The following ZCWPW2 variants were observed in gnomAD, a reference collection of about 807,000 sequenced individuals.
The protein encoded by ZCWPW2 is zinc finger CW-type and PWWP domain containing 2.
In ZCWPW2, 45 loss-of-function variants were observed where a neutral mutation model predicts 46.6. The ratio of observed to expected loss-of-function variants is 0.96; its 90% confidence interval spans 0.76 to 1.24. ZCWPW2 has a LOEUF of 1.24. ZCWPW2 is among the 50% of genes most tolerant of loss of function. The pLI, the probability that ZCWPW2 is intolerant of heterozygous loss-of-function variation, is 0.00. For synonymous variants in ZCWPW2, 152 were observed against 137.1 expected, an observed-to-expected ratio of 1.11 and a Z score of -0.76; for missense variants, 429 against 403.9, an observed-to-expected ratio of 1.06 and a Z score of -0.53.
intron 2 of ZCWPW2, among the ~76,000 whole-genome samples, chr3:28,396,103 GA>G (rs1695686508): frequency 6.6e-6 from 1 of 152,020 alleles, no homozygotes; most frequent in African/African-American, 2.4e-5. Flanking sequence ...AGGAAAATTG[GA>G]AAAGCCAGAA....
At chr3:28,428,902 T>C (rs763956570) in intron 3 of ZCWPW2, among the ~76,000 whole-genome samples, 4 of 152,160 alleles carry the variant, frequency 2.6e-5, no homozygotes, top group Non-Finnish European at 4.4e-5. Flanking sequence ...TCCCCAACCA[T>C]GTGGAACTGG....
chr3:28,465,223 C>A (rs1019559207), intron 4 of ZCWPW2, among the ~76,000 whole-genome samples: 5 of 152,110 alleles, frequency 3.3e-5, no homozygotes, highest in Non-Finnish European at 5.9e-5. Context: ...TAAGATGGAA[C>A]TTAACCATAA....
rs559761146 is a variant in ZCWPW2 at position 28,448,330 on chromosome 3, A to AT, written c.492+13064dup. 6.6e-5 allele frequency among the ~76,000 whole-genome samples: 10 copies of AT among 152,302 alleles called. No homozygotes were observed. The South Asian group carries it at 1.9e-3, about 28-fold the overall frequency. On this transcript the variant is annotated intron_variant, in intron 4 of 9. Transcript: ENST00000383768. The stretch of plus-strand genomic sequence containing the variant: ...AAAAGATAATTATAAAAATGATTCC[A>AT]TTTACAATGGCATCAAAAAGAACAA...
chr3:28,357,441 T>C (rs1342066898), intron 1 of ZCWPW2, among the ~76,000 whole-genome samples: 1 of 152,122 alleles, frequency 6.6e-6, no homozygotes, highest in South Asian at 2.1e-4. Flanking sequence ...TGGGATGTCT[T>C]TGAGTGTCTT....
intron 1 of ZCWPW2, among the ~76,000 whole-genome samples, chr3:28,378,499 T>C (rs1158559590): frequency 1.3e-5 from 2 of 152,076 alleles, no homozygotes; most frequent in African/African-American, 4.8e-5. Flanking sequence ...CTTAATTTCA[T>C]CATTAAAACT....
chr3:28,470,368 A>C (rs1698992394), intron 4 of ZCWPW2, among the ~76,000 whole-genome samples: 1 of 151,998 alleles, frequency 6.6e-6, no homozygotes, highest in Non-Finnish European at 1.5e-5. Flanking sequence ...GTGGTGGCGC[A>C]TGCCGGTAAT....
At chr3:28,362,509 A>G (rs1031946005) in intron 1 of ZCWPW2, among the ~76,000 whole-genome samples, 3 of 152,178 alleles carry the variant, frequency 2.0e-5, no homozygotes, top group African/African-American at 7.2e-5. Context: ...AGTGCATATC[A>G]AATCCACAAT....
chr3:28,369,701 T>G (rs543481270), intron 1 of ZCWPW2, among the ~76,000 whole-genome samples: 10 of 152,350 alleles, frequency 6.6e-5, no homozygotes, highest in African/African-American at 1.7e-4. Flanking sequence ...CAGGGACATT[T>G]AAGTCTGCAG....
chr3:28,369,120 C>T lies in ZCWPW2; in HGVS notation c.-134+19917C>T, dbSNP rs537288757. ...TGGGTTCGAACTTCCTCCTTTAGCT[C>T]GGAGTAGTTTGATCATCTGAAGTCT... On this transcript the variant is annotated intron_variant, in intron 1 of 9. Transcript: ENST00000383768. Among the ~76,000 whole-genome samples, 9 of 152,224 alleles carry T rather than the reference C, an allele frequency of 5.9e-5. No individual in the cohort carries two copies. The South Asian group carries it at 1.7e-3, about 28-fold the overall frequency.
At chr3:28,362,622 G>T (rs183720509) in intron 1 of ZCWPW2, among the ~76,000 whole-genome samples, 28 of 152,182 alleles carry the variant, frequency 1.8e-4, no homozygotes, top group East Asian at 1.2e-3. Context: ...TATACTGCTG[G>T]TGGGAGTGTA....
chr3:28,376,859 ATAAAT>A (rs1360928517), intron 1 of ZCWPW2, among the ~76,000 whole-genome samples: 1 of 152,080 alleles, frequency 6.6e-6, no homozygotes, highest in Non-Finnish European at 1.5e-5. Context: ...GAAGGAAAAG[ATAAAT>A]TAATTAGTCT....
At chr3:28,362,513 C>G (rs543686556) in intron 1 of ZCWPW2, among the ~76,000 whole-genome samples, 1 of 152,200 alleles carries the variant, frequency 6.6e-6, no homozygotes, top group South Asian at 2.1e-4. Flanking sequence ...CATATCAAAT[C>G]CACAATGAGA....
chr3:28,413,502 G>T, intron 3 of ZCWPW2, 102 bp downstream of exon 3: 1 of 1,045,664 alleles, frequency 9.6e-7, no homozygotes, highest in Non-Finnish European at 1.4e-6. Flanking sequence ...TTGTCTACTT[G>T]TTTCTTGATT....
intron 1 of ZCWPW2, among the ~76,000 whole-genome samples, chr3:28,363,560 T>C (rs933462621): frequency 6.6e-6 from 1 of 152,116 alleles, no homozygotes; most frequent in Middle Eastern, 3.2e-3. Context: ...TTTGTAGAGA[T>C]AGTAAACGAC....
In ZCWPW2 at chr3:28,515,725, G is replaced by A. The variant is rs1700545938; in HGVS notation, c.784+104G>A. On this transcript the variant is annotated intron_variant, in intron 8 of 9. Coordinates refer to ENST00000383768, the MANE Select transcript of ZCWPW2 (RefSeq NM_001040432.4). ...AAAAAAAAAGATTTCCTGTGTGTGT[G>A]TGTGTGTGTGTGTGTGTGTGTATAC... 3.9e-6 allele frequency: 3 copies of A among 764,256 alleles called. No homozygotes were observed. In the East Asian group the frequency reaches 8.1e-5, roughly 21 times the overall value. 47.3% of individuals were successfully genotyped at this position (764,256 alleles called of 1,614,324 possible).
intron 4 of ZCWPW2, among the ~76,000 whole-genome samples, chr3:28,475,086 T>C (rs1699190828): frequency 6.6e-6 from 1 of 152,020 alleles, no homozygotes; most frequent in African/African-American, 2.4e-5. Context: ...TCAGGCAACC[T>C]GTCCAACTCG....
Position 28,348,989 on chromosome 3 carries a change from G to A in ZCWPW2, c.-348G>A, listed in dbSNP as rs1193755075. 3 of 985,702 alleles carry A rather than the reference G, an allele frequency of 3.0e-6. No homozygotes were observed. Among genetic ancestry groups the A allele is most frequent in the African/African-American group, 3.5e-5 (2 of 57,266 alleles). The allele number at this position is 985,702 out of a possible 1,614,324, so 61.1% of individuals were successfully genotyped here. A position where few individuals can be genotyped will look rare whatever the true frequency, so the allele number is the denominator to read the frequency against. On this transcript the variant is annotated 5_prime_UTR_variant, in exon 1 of 10. Transcript: ENST00000383768. The stretch of plus-strand genomic sequence containing the variant: ...GTGGATGAGCTCTCAGCCGGAAAAG[G>A]GGCTGCCGCTGTCCGCGGGCTCGGC...
At chr3:28,462,733 G>T (rs922857009) in intron 4 of ZCWPW2, among the ~76,000 whole-genome samples, 3 of 152,202 alleles carry the variant, frequency 2.0e-5, no homozygotes, top group African/African-American at 7.2e-5. Flanking sequence ...CAGAAGACAT[G>T]AATTTCTGCC....
intron 5 of ZCWPW2, among the ~76,000 whole-genome samples, chr3:28,481,539 T>G (rs910260067): frequency 6.6e-6 from 1 of 152,196 alleles, no homozygotes; most frequent in African/African-American, 2.4e-5. Context: ...TAGTTTTTAT[T>G]AAACTTAAAT....
Sources: allele counts gnomAD v4.1 joint callset (sites outside exome capture counted in the v4.1 genomes callset), GRCh38; gene constraint gnomAD v4.1.1; transcripts MANE v1.5; gene names NCBI Gene and HGNC (gene_info 2026-07-23, HGNC 2026-07-21).